GRM4: variants seen among roughly 807,000 people sequenced by gnomAD.
The protein encoded by GRM4 is glutamate metabotropic receptor 4.
A neutral mutation model predicts 81.7 loss-of-function variants in GRM4; 28 were observed. The ratio of observed to expected loss-of-function variants is 0.34; its 90% CI spans 0.25 to 0.47. GRM4 has a LOEUF of 0.47. GRM4 is among the 20% of genes least tolerant of loss of function. The pLI is 1.00. For synonymous variants in GRM4, 488 were observed against 528.8 expected, an observed-to-expected ratio of 0.92 and a Z score of 1.06; for missense variants, 948 against 1,290.0, an observed-to-expected ratio of 0.73 and a Z score of 4.06.
At position 34,133,136 on chromosome 6, in the gene GRM4, T is replaced by C. The variant is rs764802482; in HGVS notation, c.361A>G (p.Thr121Ala). The C allele has an allele frequency of 6.2e-7, 1 of 1,613,948 alleles. No individual in the cohort carries two copies. The highest frequency in any genetic ancestry group is 8.5e-7 in the Non-Finnish European group (1 of 1,179,920). Reference sequence around the variant, plus strand: ...TTCTCGATGAGCGCCTGCACAAAGGTCAGCGACTGCTCGAGGGCATGGGTG... The same window carrying C: ...TTCTCGATGAGCGCCTGCACAAAGGCCAGCGACTGCTCGAGGGCATGGGTG... ...RDTHALEQSL[T>A]FVQALIEKDG... is the part of the protein sequence containing the mutation. Residue 121 changes from threonine to alanine, a missense_variant, in exon 2 of 11, where the codon ACC becomes GCC. By Grantham distance (58) the Thr-to-Ala change is moderately conservative. Coordinates refer to ENST00000538487, the MANE Select transcript of GRM4 (RefSeq NM_000841.4). The surrounding 1 kb of genome is among the most constrained non-coding windows in gnomAD (Gnocchi z 6.5).
chr6:34,111,386 G>A lies in GRM4; in HGVS notation c.520-19287C>T, dbSNP rs905207797. Among the ~76,000 whole-genome samples the A allele has an allele frequency of 1.6e-4, 22 of 133,374 alleles. No individual in the cohort carries two copies. The highest frequency in any genetic ancestry group is 3.6e-4 in the African/African-American group (12 of 33,062). 87.5% of individuals were successfully genotyped at this position (133,374 alleles called of 152,430 possible). On this transcript the variant is annotated intron_variant, in intron 2 of 10. Coordinates refer to ENST00000538487, the MANE Select transcript of GRM4 (RefSeq NM_000841.4). This position sits in a 1 kb window ranked among gnomAD's most constrained non-coding sequence, Gnocchi z 5.1. ...CTCTTGGTGGTAAGTACAACCAACCGTGCACACACACACACACACACACAC... is the reference window on the plus strand; with the variant it reads ...CTCTTGGTGGTAAGTACAACCAACCATGCACACACACACACACACACACAC...
At chr6:34,026,980 G>A (rs1295687101) in intron 10 of GRM4, among the ~76,000 whole-genome samples, 3 of 152,180 alleles carry the variant, frequency 2.0e-5, no homozygotes. Context: ...TTGGCAGAAA[G>A]GCCTGGTCAG....
chr6:34,140,286 G>A (rs1190315512), intron 1 of GRM4, among the ~76,000 whole-genome samples: 6 of 152,122 alleles, frequency 3.9e-5, no homozygotes, highest in Non-Finnish European at 8.8e-5. Context: ...GTTCGAGAAT[G>A]AGCAAGGAGG....
intron 2 of GRM4, chr6:34,102,042 A>G: frequency 1.3e-6 from 2 of 1,535,582 alleles, no homozygotes; most frequent in Non-Finnish European, 8.7e-7. Flanking sequence ...CCCCCAAAGC[A>G]TGGCCCTGAA....
chr6:34,102,147 C>T, intron 2 of GRM4: 2 of 1,535,464 alleles, frequency 1.3e-6, no homozygotes, highest in Non-Finnish European at 8.7e-7. Context: ...AGGACTGGGG[C>T]ATTTAAGGTG....
chr6:34,101,889 C>T (rs760436133), intron 2 of GRM4: 17 of 730,036 alleles, frequency 2.3e-5, no homozygotes, highest in South Asian at 3.8e-5. Flanking sequence ...CAACCCCACA[C>T]GAGGCTGCCA....
At chr6:34,103,807 T>C in intron 2 of GRM4, 2 of 1,441,782 alleles carry the variant, frequency 1.4e-6, no homozygotes, top group Non-Finnish European at 1.8e-6. Flanking sequence ...AGTCTCCTCA[T>C]CTGTCCACAG....
At chr6:34,104,718 C>T (rs1390389885) in intron 2 of GRM4, among the ~76,000 whole-genome samples, 1 of 152,168 alleles carries the variant, frequency 6.6e-6, no homozygotes, top group African/African-American at 2.4e-5. Context: ...GTCCCTGTTC[C>T]AGGTGTTTCC....
chr6:34,057,704 G>A (rs955370433), intron 5 of GRM4, among the ~76,000 whole-genome samples: 1 of 152,188 alleles, frequency 6.6e-6, no homozygotes, highest in Non-Finnish European at 1.5e-5. Context: ...TAATGTTCCT[G>A]AGAGAAAAAG....
intron 1 of GRM4, among the ~76,000 whole-genome samples, chr6:34,140,014 T>C (rs1310057769): frequency 6.6e-6 from 1 of 151,654 alleles, no homozygotes; most frequent in Non-Finnish European, 1.5e-5. Flanking sequence ...GAACAACAAA[T>C]ACCTGAACAT....
At chr6:34,110,952 C>A in intron 2 of GRM4, 1 of 848,868 alleles carries the variant, frequency 1.2e-6, no homozygotes, top group East Asian at 4.0e-5. Flanking sequence ...CAGGGGAACG[C>A]TGTGCCCCAC....
At chr6:34,105,138 ATATAT>A (rs1769057039) in intron 2 of GRM4, among the ~76,000 whole-genome samples, 1 of 152,104 alleles carries the variant, frequency 6.6e-6, no homozygotes. Context: ...ATATAATGGG[ATATAT>A]TACCATTATT....
chr6:34,055,948 C>T (rs1177666514), intron 6 of GRM4: 2 of 152,374 alleles, frequency 1.3e-5, no homozygotes, highest in Non-Finnish European at 2.9e-5. Context: ...TGCAGTTTCC[C>T]TTCCCCTCAC....
intron 6 of GRM4, among the ~76,000 whole-genome samples, chr6:34,051,509 C>T (rs1439807058): frequency 6.6e-6 from 1 of 152,184 alleles, no homozygotes; most frequent in Non-Finnish European, 1.5e-5. Context: ...TTTCCTATCT[C>T]CTTATAAACC....
Position 34,059,376 on chromosome 6 carries a change from G to A in GRM4, c.873-248C>T. ...TGGGCCCACGCCTGCTGCAGGCCCA[G>A]CGTGATTCTCCAGGCCTACATCTGT... On this transcript the variant is annotated intron_variant, in intron 4 of 10. Coordinates refer to ENST00000538487, the MANE Select transcript of GRM4 (RefSeq NM_000841.4). This position sits in a 1 kb window ranked among gnomAD's most constrained non-coding sequence, Gnocchi z 5.7. 1 of 547,032 alleles carries A rather than the reference G, an allele frequency of 1.8e-6. No homozygotes were observed. The highest frequency in any genetic ancestry group is 1.9e-5 in the African/African-American group (1 of 52,764). 33.9% of individuals were successfully genotyped at this position (547,032 alleles called of 1,614,324 possible).
chr6:34,096,795 T>TCTCTCC (rs1203050688), intron 2 of GRM4, among the ~76,000 whole-genome samples: 23 of 152,144 alleles, frequency 1.5e-4, no homozygotes, highest in African/African-American at 5.3e-4. Flanking sequence ...TGAATAAACC[T>TCTCTCC]CTCTCCCTCT....
chr6:34,030,569 C>A (rs1764363648), intron 9 of GRM4, among the ~76,000 whole-genome samples: 1 of 152,196 alleles, frequency 6.6e-6, no homozygotes, highest in Non-Finnish European at 1.5e-5. Context: ...TCTCTGGGCA[C>A]CAGATGCCCC....
chr6:34,093,698 T>C (rs983749967), intron 2 of GRM4, among the ~76,000 whole-genome samples: 2 of 152,088 alleles, frequency 1.3e-5, no homozygotes, highest in Non-Finnish European at 2.9e-5. Context: ...AATAAGGAAG[T>C]TGACTGGGGA....
At chr6:34,077,462 A>G (rs893895616) in intron 3 of GRM4, among the ~76,000 whole-genome samples, 2 of 151,822 alleles carry the variant, frequency 1.3e-5, no homozygotes, top group Non-Finnish European at 2.9e-5. Flanking sequence ...ACAGCCCCAC[A>G]CCTGCCACAC....
Sources: gnomAD v4.1 joint callset for allele counts (sites outside exome capture counted in the v4.1 genomes callset) on GRCh38, gnomAD v4.1.1 for gene constraint, Gnocchi (gnomAD v3.1) non-coding constraint, MANE v1.5 for transcripts, NCBI Gene and HGNC (gene_info 2026-07-23, HGNC 2026-07-21) for gene names.